Variants in TLN2 observed in about 807,000 individuals in gnomAD.
TLN2 encodes talin 2.
In TLN2, 118 loss-of-function variants were observed where a neutral mutation model predicts 294.7. The ratio of observed to expected loss-of-function variants is 0.40; its 90% CI spans 0.34 to 0.47. The LOEUF (loss-of-function observed/expected upper bound fraction) is 0.47, where lower values mean the gene tolerates loss of function less well. Ranked by LOEUF, TLN2 falls within the 20% of genes least tolerant of loss-of-function variation. The probability of loss-of-function intolerance (pLI) is 0.84; values close to 1 mark genes in which losing one functional copy is unlikely to be tolerated. For synonymous variants in TLN2, 1,431 were observed against 1,304.5 expected, an observed-to-expected ratio of 1.10 and a Z score of -2.09; for missense variants, 3,083 against 3,282.2, an observed-to-expected ratio of 0.94 and a Z score of 1.48.
chr15:62,815,294 T>G (rs1345720530), intron 52 of TLN2, among the ~76,000 whole-genome samples: 1 of 151,856 alleles, frequency 6.6e-6, no homozygotes, highest in Non-Finnish European at 1.5e-5. Context: ...TATGATCATA[T>G]GACCATGGCC....
chr15:62,499,953 C>CA (rs149847382), intron 1 of TLN2, among the ~76,000 whole-genome samples: 21,230 of 151,500 alleles, frequency 0.14, 1,718 homozygotes, highest in African/African-American at 0.21. Flanking sequence ...AACAAACAAA[C>CA]AAAAAAAACA....
At chr15:62,524,879 GGATTTTGAAGTTGGAAAC>G (rs1404667897) in intron 1 of TLN2, among the ~76,000 whole-genome samples, 1 of 152,160 alleles carries the variant, frequency 6.6e-6, no homozygotes, top group Non-Finnish European at 1.5e-5. Context: ...TTGATTGAAA[GGATTTTGAAGTTGGAAAC>G]GATTTTCCTT....
chr15:62,777,750 T>A (rs955487769), intron 43 of TLN2, among the ~76,000 whole-genome samples: 10 of 152,210 alleles, frequency 6.6e-5, no homozygotes, highest in African/African-American at 2.2e-4. Flanking sequence ...TAGTAAACTC[T>A]TGTAGGCTAC....
chr15:62,586,381 G>C (rs1255423247), intron 1 of TLN2, among the ~76,000 whole-genome samples: 1 of 152,224 alleles, frequency 6.6e-6, no homozygotes, highest in Non-Finnish European at 1.5e-5. Context: ...GCTGCCAGCA[G>C]ATGAAGGGGG....
At chr15:62,433,520 A>G (rs1165689335) in intron 1 of TLN2, among the ~76,000 whole-genome samples, 4 of 152,014 alleles carry the variant, frequency 2.6e-5, no homozygotes, top group African/African-American at 4.8e-5. Flanking sequence ...TGAATTCTCT[A>G]TTTAGTCCTC....
chr15:62,517,343 T>C (rs2040237660), intron 1 of TLN2, among the ~76,000 whole-genome samples: 1 of 152,238 alleles, frequency 6.6e-6, no homozygotes, highest in Non-Finnish European at 1.5e-5. Flanking sequence ...CACACATTTG[T>C]TGTACTTGGA....
At chr15:62,541,892 T>C (rs1320672833) in intron 1 of TLN2, among the ~76,000 whole-genome samples, 1 of 151,976 alleles carries the variant, frequency 6.6e-6, no homozygotes, top group Admixed American at 6.6e-5. Flanking sequence ...AGCCTTTTTA[T>C]GTATTTATTT....
intron 3 of TLN2, among the ~76,000 whole-genome samples, chr15:62,619,030 C>T (rs77529692): frequency 0.012 from 1,750 of 152,102 alleles, 18 homozygotes; most frequent in East Asian, 0.063. Context: ...ATACTATGCC[C>T]TGTTTTCTGT....
chr15:62,461,941 T>C (rs941379610), intron 1 of TLN2, among the ~76,000 whole-genome samples: 1 of 152,208 alleles, frequency 6.6e-6, no homozygotes, highest in African/African-American at 2.4e-5. Context: ...TGTATCTGTC[T>C]GTACTTTTAA....
In TLN2 at chr15:62,503,103, C is replaced by T. The variant is rs545716146; in HGVS notation, c.-237-86584C>T. ...TGTTTGTGTGGCCAGATTGCAGACT[C>T]TGCTACAACAGCGTCAACAAGTTCC... On this transcript the variant is annotated intron_variant, in intron 1 of 58. Coordinates refer to ENST00000636159, the MANE Select transcript of TLN2 (RefSeq NM_015059.3). 1.3e-4 allele frequency among the ~76,000 whole-genome samples: 16 copies of T among 118,844 alleles called. No homozygotes were observed. In the East Asian group the frequency reaches 2.3e-3, roughly 17 times the overall value. 78.0% of individuals were successfully genotyped at this position (118,844 alleles called of 152,430 possible).
chr15:62,434,093 A>C (rs572866011), intron 1 of TLN2, among the ~76,000 whole-genome samples: 38 of 152,158 alleles, frequency 2.5e-4, no homozygotes, highest in African/African-American at 8.9e-4. Context: ...TTCACATGTA[A>C]AAATTTTAAA....
chr15:62,820,709 T>A, intron 54 of TLN2, 99 bp downstream of exon 54: 1 of 1,467,764 alleles, frequency 6.8e-7, no homozygotes, highest in Non-Finnish European at 9.2e-7. Context: ...CTTGGCTCCT[T>A]CCTTATGGTC....
intron 1 of TLN2, among the ~76,000 whole-genome samples, chr15:62,573,606 C>T (rs1226133901): frequency 6.6e-6 from 1 of 152,128 alleles, no homozygotes; most frequent in African/African-American, 2.4e-5. Flanking sequence ...CTCTCCCTGG[C>T]CATGTTCCAG....
intron 1 of TLN2, among the ~76,000 whole-genome samples, chr15:62,490,105 C>T (rs1424798233): frequency 6.6e-6 from 1 of 152,174 alleles, no homozygotes; most frequent in Non-Finnish European, 1.5e-5. Context: ...GTGATTTTAG[C>T]ATATTCGTAG....
chr15:62,837,935 G>T (rs529328648), intron 57 of TLN2, among the ~76,000 whole-genome samples: 15 of 152,302 alleles, frequency 9.8e-5, no homozygotes, highest in Admixed American at 9.8e-4. Flanking sequence ...GACTCTGAGG[G>T]GGCGCTGGAC....
chr15:62,694,441 A>G (rs550339259), intron 14 of TLN2, 49 bp downstream of exon 14: 2 of 1,540,572 alleles, frequency 1.3e-6, no homozygotes, highest in Non-Finnish European at 1.8e-6. Flanking sequence ...CTAGATAGGT[A>G]GGTTTCCTCT....
chr15:62,748,309 T>C (rs373528001), intron 32 of TLN2, 42 bp from the exon 33 acceptor site: 8 of 1,429,842 alleles, frequency 5.6e-6, no homozygotes, highest in Non-Finnish European at 6.8e-6. Context: ...GAAATTACTG[T>C]TGATCTTCAA....
At chr15:62,419,086 G>A (rs1406735609) in intron 1 of TLN2, among the ~76,000 whole-genome samples, 8 of 152,150 alleles carry the variant, frequency 5.3e-5, no homozygotes, top group Non-Finnish European at 1.2e-4. Flanking sequence ...TGAAGATTTA[G>A]CATTCAGATT....
intron 43 of TLN2, among the ~76,000 whole-genome samples, chr15:62,779,761 G>A (rs150430684): frequency 2.5e-3 from 376 of 152,366 alleles, no homozygotes; most frequent in African/African-American, 8.8e-3. Context: ...CCCCCGTGCC[G>A]TGATGGGGAT....
Sources: gnomAD v4.1 joint callset for allele counts (sites outside exome capture counted in the v4.1 genomes callset) on GRCh38, gnomAD v4.1.1 for gene constraint, MANE v1.5 for transcripts, NCBI Gene and HGNC (gene_info 2026-07-23, HGNC 2026-07-21) for gene names.